Variants in ATP1A2 observed in about 807,000 individuals in gnomAD.
ATP1A2 encodes ATPase Na+/K+ transporting subunit alpha 2.
Under a neutral mutation model 113.1 loss-of-function variants are expected in ATP1A2, and 56 were observed. That is an observed-to-expected ratio of 0.49 (90% CI 0.40 to 0.62). The LOEUF is 0.62. Among genes scored for constraint, ATP1A2 ranks in the 20% least tolerant of loss-of-function variants. The probability of loss-of-function intolerance (pLI) is 0.00; values close to 1 mark genes in which losing one functional copy is unlikely to be tolerated. For synonymous variants in ATP1A2, 490 were observed against 526.8 expected (o/e 0.93, Z 0.96); for missense variants, 712 against 1,357.8 (o/e 0.52, Z 7.47).
chr1:160,121,124 G>C, intron 2 of ATP1A2, 68 bp from the exon 3 acceptor site: 2 of 1,601,976 alleles, frequency 1.2e-6, no homozygotes, highest in Non-Finnish European at 1.7e-6. Flanking sequence ...TCACCCCTGT[G>C]CCCTGCAGTA....
intron 14 of ATP1A2, among the ~76,000 whole-genome samples, 181 bp downstream of exon 14, chr1:160,134,801 C>T (rs1052258317): frequency 1.3e-4 from 20 of 152,212 alleles, no homozygotes; most frequent in African/African-American, 4.8e-4. Flanking sequence ...ACTGAATACC[C>T]ATGTAACCTT....
At chr1:160,125,514 G>T in intron 7 of ATP1A2, 1 of 508,696 alleles carries the variant, frequency 2.0e-6, no homozygotes, top group Non-Finnish European at 3.6e-6. Flanking sequence ...GGATTTCAAA[G>T]CTTTCAGGTA....
chr1:160,136,506 A>G lies in ATP1A2; in HGVS notation c.2564-64A>G, dbSNP rs1021111708. The G allele has an allele frequency of 1.9e-6, 3 of 1,613,534 alleles. No homozygotes were observed. In the African/African-American group the frequency reaches 4.0e-5, roughly 22 times the overall value. On this transcript the variant is annotated intron_variant, in intron 18 of 22. Transcript: ENST00000361216. ...TCAGGGACCTCCATCTCTGGCCCTG[A>G]GGGGCTGTGCCCCTTCTGCTTCCTG...
At chr1:160,118,156 C>T (rs564949490) in intron 1 of ATP1A2, among the ~76,000 whole-genome samples, 4 of 152,370 alleles carry the variant, frequency 2.6e-5, no homozygotes, top group South Asian at 2.1e-4. Flanking sequence ...CTGCGTGGAG[C>T]TGCTTAGCTC....
Position 160,135,441 on chromosome 1 carries a change from T to C in ATP1A2, c.2123T>C (p.Ile708Thr), listed in dbSNP as rs1341609289. 1 of 1,614,002 alleles carries C rather than the reference T, an allele frequency of 6.2e-7. No homozygotes were observed. The highest frequency in any genetic ancestry group is 8.5e-7 in the Non-Finnish European group (1 of 1,180,024). ...TGGCCGTCTTCCCTCCAGGGAGCCA[T>C]TGTGGCCGTGACGGGTGACGGGGTG... ...IVEGCQRQGAIVAVTGDGVND... is the reference protein window; with the variant it reads ...IVEGCQRQGATVAVTGDGVND... The change falls in exon 16 of 23, where the codon ATT (isoleucine) becomes ACT (threonine). Residue 708 changes from isoleucine to threonine, a missense_variant. Physicochemically the swap from Ile to Thr is moderately conservative, Grantham distance 89. Transcript: ENST00000361216. This position sits in a 1 kb window ranked among gnomAD's most constrained non-coding sequence, Gnocchi z 6.3.
At chr1:160,137,110 T>A in intron 20 of ATP1A2, 79 bp downstream of exon 20, 1 of 1,609,530 alleles carries the variant, frequency 6.2e-7, no homozygotes, top group Admixed American at 1.7e-5. Flanking sequence ...AGCTTCCAAC[T>A]CAGCCCTGGA....
chr1:160,136,402 C>A lies in ATP1A2; in HGVS notation c.2563+32C>A, dbSNP rs375849946. On this transcript the variant is annotated intron_variant, in intron 18 of 22. Transcript: ENST00000361216. ...CAAGCCCCGGGCCTCGGGAGGGAAC[C>A]CCAACAGGGTTCTTTTCCCAGCTTT... 3.2e-4 allele frequency: 516 copies of A among 1,613,372 alleles called. 1 individual carries two copies. Among genetic ancestry groups the A allele is most frequent in the Non-Finnish European group, 4.2e-4 (500 of 1,180,042 alleles).
chr1:160,132,979 CCT>C (rs2101992679), intron 13 of ATP1A2, among the ~76,000 whole-genome samples: 1 of 152,150 alleles, frequency 6.6e-6, no homozygotes, highest in South Asian at 2.1e-4. Context: ...TTCATGACCA[CCT>C]AGAAAGGCAG....
rs1558003802 is a variant in ATP1A2 at position 160,123,973 on chromosome 1, G to A, written c.412G>A (p.Val138Ile). 6.2e-7 allele frequency: 1 copy of A among 1,614,204 alleles called. No homozygotes were observed. The change falls in exon 5 of 23, where the codon GTC becomes ATC. Residue 138 changes from valine to isoleucine, a missense_variant. Coordinates refer to ENST00000361216, the MANE Select transcript of ATP1A2 (RefSeq NM_000702.4). Reference protein sequence around the residue: ...LYLGVVLAAVVIVTGCFSYYQ... With the variant: ...LYLGVVLAAVIIVTGCFSYYQ... ...TCTGGGTGTGGTGCTGGCAGCTGTG[G>A]TCATTGTCACTGGCTGCTTCTCCTA...
intron 3 of ATP1A2, 45 bp from the exon 4 acceptor site, chr1:160,123,168 G>A (rs1651471555): frequency 4.4e-6 from 7 of 1,608,144 alleles, no homozygotes; most frequent in Non-Finnish European, 5.9e-6. Flanking sequence ...GACTGGCTGG[G>A]TTGGCTCCGG....
chr1:160,136,174 G>A lies in ATP1A2; in HGVS notation c.2440-73G>A, dbSNP rs536304078. ...AACTGTGTCAACGATCGTCACTGTCGAAGATCAATTGCTTCTGTCATCTCC... is the reference window on the plus strand; with the variant it reads ...AACTGTGTCAACGATCGTCACTGTCAAAGATCAATTGCTTCTGTCATCTCC... On this transcript the variant is annotated intron_variant, in intron 17 of 22. Coordinates refer to ENST00000361216, the MANE Select transcript of ATP1A2 (RefSeq NM_000702.4). The A allele has an allele frequency of 1.1e-4, 179 of 1,608,892 alleles. 1 individual carries two copies. The East Asian group carries it at 3.4e-3, about 30-fold the overall frequency.
chr1:160,132,506 A>G lies in ATP1A2; in HGVS notation c.1827+1909A>G, dbSNP rs201949105. 1.4e-4 allele frequency among the ~76,000 whole-genome samples: 21 copies of G among 152,306 alleles called. 1 individual carries two copies. In the East Asian group the frequency reaches 3.9e-3, roughly 28 times the overall value. On this transcript the variant is annotated intron_variant, in intron 13 of 22. Transcript: ENST00000361216. ...ACTAGGGCAGAAACAAAGGGAATGGAGAGGAATAGCCATGTCTGAGAAATG... is the reference window on the plus strand; with the variant it reads ...ACTAGGGCAGAAACAAAGGGAATGGGGAGGAATAGCCATGTCTGAGAAATG...
chr1:160,134,735 C>G, intron 14 of ATP1A2, 115 bp downstream of exon 14: 1 of 1,449,530 alleles, frequency 6.9e-7, no homozygotes, highest in Non-Finnish European at 9.6e-7. Context: ...ATAGGCCTTA[C>G]CTCTGACACT....
At position 160,115,876 on chromosome 1, in the gene ATP1A2, G is replaced by A. The variant is rs2101980042; in HGVS notation, c.12+3G>A. ...TCTGCCCCAAGATGGGCCGTGGGGT[G>A]AGTATCCCTAAAGAGCAGGGGTCGC... On this transcript the variant is annotated splice_donor_region_variant and intron_variant, in intron 1 of 22. Coordinates refer to ENST00000361216, the MANE Select transcript of ATP1A2 (RefSeq NM_000702.4). 6 of 1,601,662 alleles carry A rather than the reference G, an allele frequency of 3.7e-6. No individual in the cohort carries two copies. Among genetic ancestry groups the A allele is most frequent in the Non-Finnish European group, 4.3e-6 (5 of 1,174,558 alleles).
chr1:160,134,744 C>G, intron 14 of ATP1A2, 124 bp downstream of exon 14: 1 of 1,381,908 alleles, frequency 7.2e-7, no homozygotes, highest in African/African-American at 1.4e-5. Context: ...ACCTCTGACA[C>G]TATTGTGACT....
chr1:160,136,634 G>A lies in ATP1A2; in HGVS notation c.2628G>A (p.Leu876=), dbSNP rs1651959426. ...YFVILAENGF[L]PSRLLGIRLD... ...TGATCCTGGCAGAGAACGGTTTCCT[G>A]CCATCACGGCTACTGGGAATCCGCC... Residue 876 remains leucine, a synonymous_variant, in exon 19 of 23, where the codon CTG becomes CTA. Coordinates refer to ENST00000361216, the MANE Select transcript of ATP1A2 (RefSeq NM_000702.4). 1 of 1,614,240 alleles carries A rather than the reference G, an allele frequency of 6.2e-7. No individual in the cohort carries two copies. Among genetic ancestry groups the A allele is most frequent in the East Asian group, 2.2e-5 (1 of 44,884 alleles).
Position 160,125,081 on chromosome 1 carries a change from G to T in ATP1A2, c.631-55G>T, listed in dbSNP as rs1651542750. On this transcript the variant is annotated intron_variant, in intron 6 of 22. Coordinates refer to ENST00000361216, the MANE Select transcript of ATP1A2 (RefSeq NM_000702.4). Reference sequence around the variant, plus strand: ...GTTGGAGGTGGTTCAGGAGACAGCTGTGTGCATACAAGTGGCTCTGCCAGT... The same window carrying T: ...GTTGGAGGTGGTTCAGGAGACAGCTTTGTGCATACAAGTGGCTCTGCCAGT... 5.6e-6 allele frequency: 8 copies of T among 1,425,326 alleles called. No individual in the cohort carries two copies. The East Asian group carries it at 1.8e-4, about 32-fold the overall frequency. 88.3% of individuals were successfully genotyped at this position (1,425,326 alleles called of 1,614,324 possible). A position where few individuals can be genotyped will look rare whatever the true frequency, so the allele number is the denominator to read the frequency against.
At chr1:160,117,602 T>A (rs970442324) in intron 1 of ATP1A2, among the ~76,000 whole-genome samples, 2 of 152,114 alleles carry the variant, frequency 1.3e-5, no homozygotes, top group South Asian at 4.2e-4. Context: ...GAGTTCAACC[T>A]ACCAACGACC....
At chr1:160,122,077 A>T (rs1651417176) in intron 3 of ATP1A2, among the ~76,000 whole-genome samples, 1 of 152,322 alleles carries the variant, frequency 6.6e-6, no homozygotes, top group Non-Finnish European at 1.5e-5. Context: ...GGTTTCAGTG[A>T]GCCGAGATCA....
Sources: allele counts gnomAD v4.1 joint callset (sites outside exome capture counted in the v4.1 genomes callset), GRCh38; gene constraint gnomAD v4.1.1; non-coding constraint Gnocchi (gnomAD v3.1); transcripts MANE v1.5; gene names NCBI Gene and HGNC (gene_info 2026-07-23, HGNC 2026-07-21).